Variants in RASA3 observed in about 807,000 individuals in gnomAD.
The protein encoded by RASA3 is RAS p21 protein activator 3.
Under a neutral mutation model 110.0 loss-of-function variants are expected in RASA3, and 73 were observed. That is an observed-to-expected ratio of 0.66 (90% CI 0.55 to 0.81). RASA3 has a LOEUF of 0.81. Among genes scored for constraint, RASA3 ranks in the 30% least tolerant of loss-of-function variants. The pLI is 0.00. For missense variants in RASA3, 976 were observed against 1,113.2 expected, an observed-to-expected ratio of 0.88 and a Z score of 1.75; for synonymous variants, 500 against 451.4, an observed-to-expected ratio of 1.11 and a Z score of -1.37.
At chr13:114,094,963 A>C (rs2079925959) in intron 1 of RASA3, among the ~76,000 whole-genome samples, 1 of 152,186 alleles carries the variant, frequency 6.6e-6, no homozygotes, top group Non-Finnish European at 1.5e-5. Flanking sequence ...CTTACATCTC[A>C]GCTCAACAGA....
chr13:114,013,615 C>CCCATCTGTCTCTCTCTCT (rs1566478062), intron 14 of RASA3, among the ~76,000 whole-genome samples: 6 of 92,858 alleles, frequency 6.5e-5, no homozygotes, highest in Admixed American at 1.1e-4. Flanking sequence ...TCTCTCCCCC[C>CCCATCTGTCTCTCTCTCT]CTCCATCTGT....
At chr13:114,051,343 C>T (rs1401631765) in intron 3 of RASA3, among the ~76,000 whole-genome samples, 1 of 152,236 alleles carries the variant, frequency 6.6e-6, no homozygotes, top group Admixed American at 6.5e-5. Flanking sequence ...CTCCCAGCGT[C>T]ACGGCGGGAA....
intron 14 of RASA3, among the ~76,000 whole-genome samples, chr13:114,013,893 T>TG (rs1491489759): frequency 5.2e-5 from 3 of 58,076 alleles, no homozygotes; most frequent in African/African-American, 2.1e-4. Context: ...TGTCTCTCTC[T>TG]TTTTCTCTCT....
At chr13:113,997,483 G>A (rs1264698237) in intron 20 of RASA3, among the ~76,000 whole-genome samples, 1 of 152,014 alleles carries the variant, frequency 6.6e-6, no homozygotes, top group Non-Finnish European at 1.5e-5. Flanking sequence ...GGGGGCAAAG[G>A]GTGTCAAAGG....
intron 16 of RASA3, among the ~76,000 whole-genome samples, chr13:114,010,237 C>A (rs1484228033): frequency 6.6e-6 from 1 of 152,138 alleles, no homozygotes; most frequent in Non-Finnish European, 1.5e-5. Flanking sequence ...CTCTGCTCCC[C>A]AAAGCCCTCA....
rs2079424110 is a variant in RASA3 at position 114,065,151 on chromosome 13, G to A, written c.173+8569C>T. On this transcript the variant is annotated intron_variant, in intron 2 of 23. Transcript: ENST00000334062. The surrounding 1 kb of genome is among the most constrained non-coding windows in gnomAD (Gnocchi z 4.1). The stretch of plus-strand genomic sequence containing the variant: ...GAACTGAATTCCTCCTCCTCCTGGA[G>A]CCTGGAGCAGGGGCTCAGCTGGGAC... Among the ~76,000 whole-genome samples the A allele has an allele frequency of 6.6e-6, 1 of 152,254 alleles. No homozygotes were observed. The highest frequency in any genetic ancestry group is 1.5e-5 in the Non-Finnish European group (1 of 68,038).
At chr13:114,079,527 A>G (rs998634522) in intron 1 of RASA3, among the ~76,000 whole-genome samples, 4 of 152,226 alleles carry the variant, frequency 2.6e-5, no homozygotes, top group Non-Finnish European at 4.4e-5. Context: ...TTACCGGAAC[A>G]ATAGTCTTGT....
intron 1 of RASA3, among the ~76,000 whole-genome samples, chr13:114,121,263 C>T (rs968001036): frequency 1.9e-4 from 29 of 152,226 alleles, no homozygotes; most frequent in Non-Finnish European, 3.4e-4. Context: ...CACATCCCGC[C>T]GAGCCTCCTG....
chr13:114,078,066 G>A (rs959101140), intron 1 of RASA3: 114 of 912,334 alleles, frequency 1.2e-4, no homozygotes, highest in Middle Eastern at 5.6e-4. Context: ...CCTGCTGGAC[G>A]CACCAACATC....
chr13:114,027,304 CTG>C, intron 7 of RASA3, 83 bp downstream of exon 7: 1 of 1,177,588 alleles, frequency 8.5e-7, no homozygotes, highest in South Asian at 1.3e-5. Context: ...AGGGAAGAGA[CTG>C]AGATCATTCT....
intron 22 of RASA3, among the ~76,000 whole-genome samples, chr13:113,990,077 A>G (rs551900237): frequency 2.6e-5 from 4 of 151,774 alleles, no homozygotes; most frequent in Non-Finnish European, 4.4e-5. Context: ...ATCTACCCCC[A>G]TCTCTCTCTC....
intron 9 of RASA3, among the ~76,000 whole-genome samples, chr13:114,019,831 G>GC (rs202015665): frequency 6.1e-4 from 28 of 46,270 alleles, no homozygotes; most frequent in South Asian, 1.1e-3. Context: ...TAGCAGCCCT[G>GC]TCAGGTGGGT....
At chr13:114,015,893 C>T (rs1025516841) in intron 13 of RASA3, among the ~76,000 whole-genome samples, 1 of 151,966 alleles carries the variant, frequency 6.6e-6, no homozygotes. Flanking sequence ...GCAGGGTGTG[C>T]AGGGCAGACC....
Position 114,021,525 on chromosome 13 carries a change from G to A in RASA3, c.681-17C>T. ...AGGTCAACTCTGAAAAACAGCATCA[G>A]GACAGCTCTAGCTGACGGCGGGCAG... is the stretch of plus-strand genomic sequence containing the variant. On this transcript the variant is annotated splice_polypyrimidine_tract_variant and intron_variant, in intron 8 of 23. Transcript: ENST00000334062. 6.2e-7 allele frequency: 1 copy of A among 1,608,592 alleles called. No homozygotes were observed. The highest frequency in any genetic ancestry group is 8.5e-7 in the Non-Finnish European group (1 of 1,175,528).
rs1198112450 is a variant in RASA3 at position 114,132,503 on chromosome 13, GC to G, written c.-15del. On this transcript the variant is annotated 5_prime_UTR_variant, in exon 1 of 24. Transcript: ENST00000334062. ...CTCCACCGCCATGCTGCGCGTCCGC[GC>G]CCGCCGAGCCTCGCCCCAAGCGCGC... 6.9e-7 allele frequency: 1 copy of G among 1,455,994 alleles called. No individual in the cohort carries two copies. Among genetic ancestry groups the G allele is most frequent in the South Asian group, 1.3e-5 (1 of 75,796 alleles). The allele number at this position is 1,455,994 out of a possible 1,614,324, so 90.2% of individuals were successfully genotyped here.
chr13:114,042,313 G>A (rs1250918511), intron 3 of RASA3, among the ~76,000 whole-genome samples: 2 of 152,220 alleles, frequency 1.3e-5, no homozygotes, highest in African/African-American at 2.4e-5. Flanking sequence ...CACCCACCAC[G>A]GTGAGCACCC....
chr13:114,062,527 T>G (rs1000235468), intron 2 of RASA3, among the ~76,000 whole-genome samples: 1 of 151,670 alleles, frequency 6.6e-6, no homozygotes, highest in African/African-American at 2.4e-5. Context: ...CACCCCCAGG[T>G]GTGCAGCAAT....
intron 23 of RASA3, 51 bp downstream of exon 23, chr13:113,981,624 C>A (rs1037270724): frequency 3.6e-5 from 56 of 1,552,608 alleles, no homozygotes; most frequent in Non-Finnish European, 4.1e-5. Flanking sequence ...CCACTGCAAT[C>A]TCCCGCCCAC....
intron 4 of RASA3, among the ~76,000 whole-genome samples, chr13:114,038,868 C>T (rs973374007): frequency 3.3e-5 from 5 of 152,204 alleles, no homozygotes; most frequent in African/African-American, 4.8e-5. Context: ...AGCCTCCATC[C>T]GACCCACCCA....
Sources: gnomAD v4.1 joint callset for allele counts (sites outside exome capture counted in the v4.1 genomes callset) on GRCh38, gnomAD v4.1.1 for gene constraint, Gnocchi (gnomAD v3.1) non-coding constraint, MANE v1.5 for transcripts, NCBI Gene and HGNC (gene_info 2026-07-23, HGNC 2026-07-21) for gene names.